TMEM87B: variants seen among roughly 807,000 people sequenced by gnomAD.
TMEM87B encodes transmembrane protein 87B.
TMEM87B carries 83 observed loss-of-function variants against 80.3 expected under a neutral mutation model. The observed-to-expected ratio is 1.03, with a 90% CI of 0.87 to 1.24. TMEM87B has a LOEUF of 1.24. Among genes scored for constraint, TMEM87B ranks in the 50% most tolerant of loss-of-function variants. The probability of loss-of-function intolerance (pLI) is 0.00; values close to 1 mark genes in which losing one functional copy is unlikely to be tolerated. For missense variants in TMEM87B, 625 were observed against 674.4 expected (o/e 0.93, Z 0.81); for synonymous variants, 219 against 230.5 (o/e 0.95, Z 0.45).
Position 112,077,253 on chromosome 2 carries a change from A to T in TMEM87B, c.563A>T (p.Glu188Val), listed in dbSNP as rs746804573. ...ATCTTTATTGTTTCTATTAAAACGG[A>T]GAATACAGATGCAAGCTGGAATTTG... The part of the protein sequence containing the change: ...FHIFIVSIKT[E>V]NTDASWNLNV... The change falls in exon 6 of 19, where the codon GAG becomes GTG. Residue 188 changes from glutamate (E) to valine (V), a missense_variant. Physicochemically the swap from Glu to Val is moderately radical, Grantham distance 121 (BLOSUM62 -2). Transcript: ENST00000283206. 8.2e-6 allele frequency: 13 copies of T among 1,593,742 alleles called. No homozygotes were observed. Among genetic ancestry groups the T allele is most frequent in the Non-Finnish European group, 1.1e-5 (13 of 1,170,008 alleles).
intron 16 of TMEM87B, among the ~76,000 whole-genome samples, chr2:112,106,384 CT>C (rs1383461968): frequency 6.6e-6 from 1 of 152,120 alleles, no homozygotes; most frequent in African/African-American, 2.4e-5. Flanking sequence ...TTGGAATCTG[CT>C]TTTTGAAAAG....
chr2:112,066,448 G>T (rs1015415736), intron 3 of TMEM87B, among the ~76,000 whole-genome samples: 2 of 152,086 alleles, frequency 1.3e-5, no homozygotes, highest in African/African-American at 2.4e-5. Context: ...TAAGGAGCCT[G>T]GTTCATTCAT....
chr2:112,107,261 A>AACAGGAGAATTGCTTGAACCTGG (rs1679794783), intron 16 of TMEM87B, among the ~76,000 whole-genome samples: 1 of 151,682 alleles, frequency 6.6e-6, no homozygotes, highest in East Asian at 1.9e-4. Flanking sequence ...GGGAGGCTGA[A>AACAGGAGAATTGCTTGAACCTGG]ACAGGAGAAT....
chr2:112,098,657 T>G lies in TMEM87B; in HGVS notation c.1335T>G (p.Ile445Met). The change falls in exon 14 of 19, where the codon ATT (isoleucine) becomes ATG (methionine). Residue 445 changes from isoleucine to methionine, a missense_variant. By Grantham distance (10) the Ile-to-Met change is conservative. Coordinates refer to ENST00000283206, the MANE Select transcript of TMEM87B (RefSeq NM_032824.3). ...FWSFLFSLIL[I>M]VIMFLWRPSA... ...GCTTCCTTTTTTCGCTTATCCTTAT[T>G]GTAATCATGTTTTTGTGGAGACCAT... is the stretch of plus-strand genomic sequence containing the variant. The G allele has an allele frequency of 1.2e-6, 2 of 1,614,170 alleles. No homozygotes were observed. The highest frequency in any genetic ancestry group is 1.7e-6 in the Non-Finnish European group (2 of 1,180,028).
chr2:112,093,021 A>T (rs533146504), intron 11 of TMEM87B, among the ~76,000 whole-genome samples: 6 of 152,134 alleles, frequency 3.9e-5, no homozygotes, highest in Non-Finnish European at 7.4e-5. Context: ...TAGCTTTTTG[A>T]CATTAATTTT....
intron 14 of TMEM87B, among the ~76,000 whole-genome samples, chr2:112,099,306 T>C (rs1679561273): frequency 6.6e-6 from 1 of 152,068 alleles, no homozygotes; most frequent in South Asian, 2.1e-4. Context: ...CCAAAACTTT[T>C]TGAGCACGGA....
intron 1 of TMEM87B, among the ~76,000 whole-genome samples, chr2:112,059,655 G>A (rs1678185241): frequency 6.6e-6 from 1 of 152,170 alleles, no homozygotes; most frequent in Non-Finnish European, 1.5e-5. Flanking sequence ...TTGACGCCAG[G>A]AGAGCAACAT....
chr2:112,057,915 C>T (rs1443094319), intron 1 of TMEM87B, among the ~76,000 whole-genome samples: 2 of 151,160 alleles, frequency 1.3e-5, no homozygotes, highest in African/African-American at 4.9e-5. Flanking sequence ...GCAACTTCCA[C>T]CTCCCGGGTT....
intron 1 of TMEM87B, among the ~76,000 whole-genome samples, chr2:112,059,172 TAA>T: frequency 6.6e-6 from 1 of 152,192 alleles, no homozygotes; most frequent in South Asian, 2.1e-4. Context: ...GTTTTGTTTT[TAA>T]TGCCTAATCA....
intron 9 of TMEM87B, among the ~76,000 whole-genome samples, chr2:112,086,750 C>T (rs1345521005): frequency 6.6e-6 from 1 of 152,182 alleles, no homozygotes; most frequent in Non-Finnish European, 1.5e-5. Context: ...TCTGTGGGCA[C>T]TGGCTTCACA....
Position 112,055,559 on chromosome 2 carries a change from T to C in TMEM87B, c.-33T>C. ...GCACCAGGTGCGGGTGTGGCAGGCGTCTCGGAGCGCCAGGTGCAGCTTCCT... is the reference window on the plus strand; with the variant it reads ...GCACCAGGTGCGGGTGTGGCAGGCGCCTCGGAGCGCCAGGTGCAGCTTCCT... On this transcript the variant is annotated 5_prime_UTR_variant, in exon 1 of 19. Coordinates refer to ENST00000283206, the MANE Select transcript of TMEM87B (RefSeq NM_032824.3). The C allele has an allele frequency of 8.9e-6, 13 of 1,466,318 alleles. No homozygotes were observed. The highest frequency in any genetic ancestry group is 1.2e-5 in the Non-Finnish European group (13 of 1,112,786). The allele number at this position is 1,466,318 out of a possible 1,614,324, so 90.8% of individuals were successfully genotyped here. A position where few individuals can be genotyped will look rare whatever the true frequency, so the allele number is the denominator to read the frequency against.
intron 4 of TMEM87B, 141 bp downstream of exon 4, chr2:112,067,208 G>A: frequency 8.8e-7 from 1 of 1,136,614 alleles, no homozygotes; most frequent in Non-Finnish European, 1.3e-6. Context: ...TATTCCCACT[G>A]AATACAAGTA....
chr2:112,074,890 C>A, intron 4 of TMEM87B, 22 bp from the exon 5 acceptor site: 1 of 1,549,112 alleles, frequency 6.5e-7, no homozygotes, highest in Non-Finnish European at 8.7e-7. Flanking sequence ...TATAAAATGG[C>A]ATTATTTACT....
At chr2:112,077,430 GTAACAT>G in intron 6 of TMEM87B, 148 bp downstream of exon 6, 1 of 419,798 alleles carries the variant, frequency 2.4e-6, no homozygotes, top group Non-Finnish European at 4.3e-6. Context: ...TACTTAAAAT[GTAACAT>G]TAAGTTATCT....
At position 112,055,904 on chromosome 2, in the gene TMEM87B, C is replaced by CAAA. The variant is rs1176143317; in HGVS notation, c.165+149_165+150insAAA. 5.6e-4 allele frequency: 636 copies of CAAA among 1,144,576 alleles called. 1 individual carries two copies. Among genetic ancestry groups the CAAA allele is most frequent in the Non-Finnish European group, 5.9e-4 (510 of 862,828 alleles). The allele number at this position is 1,144,576 out of a possible 1,614,324, so 70.9% of individuals were successfully genotyped here. ...CCCTCCCTGAGCCTTTTGTCTGTTA[C>CAAA]AGCCGGGGAGCGGGGAGCGGCCCCT... On this transcript the variant is annotated intron_variant, in intron 1 of 18. Transcript: ENST00000283206.
At chr2:112,061,768 T>C (rs545114106) in intron 2 of TMEM87B, among the ~76,000 whole-genome samples, 4 of 152,328 alleles carry the variant, frequency 2.6e-5, no homozygotes, top group East Asian at 1.9e-4. Context: ...TATTAACTTA[T>C]CTAAAGAAAG....
chr2:112,113,070 G>A, intron 18 of TMEM87B, 141 bp downstream of exon 18: 2 of 753,820 alleles, frequency 2.7e-6, no homozygotes, highest in Admixed American at 3.0e-5. Context: ...TGATTTGTGG[G>A]TAAAGTTGAA....
At chr2:112,080,177 C>G (rs1678947246) in intron 6 of TMEM87B, among the ~76,000 whole-genome samples, 2 of 152,128 alleles carry the variant, frequency 1.3e-5, no homozygotes, top group African/African-American at 4.8e-5. Context: ...GATCTGCCCA[C>G]CTTGGCCTCC....
chr2:112,087,231 G>C (rs913602067), intron 9 of TMEM87B, among the ~76,000 whole-genome samples: 3 of 151,840 alleles, frequency 2.0e-5, no homozygotes, highest in African/African-American at 7.3e-5. Flanking sequence ...TCTGCCTCAG[G>C]CTCCCACCCG....
Sources: allele counts gnomAD v4.1 joint callset (sites outside exome capture counted in the v4.1 genomes callset), GRCh38; gene constraint gnomAD v4.1.1; transcripts MANE v1.5; gene names NCBI Gene and HGNC (gene_info 2026-07-23, HGNC 2026-07-21).